BACE2: variants seen among roughly 807,000 people sequenced by gnomAD.
BACE2 encodes beta-secretase 2, also known as 56 kDa aspartic-like protease.
In BACE2, 17 loss-of-function variants were observed where a neutral mutation model predicts 46.2. That is an observed-to-expected ratio of 0.37 (90% CI 0.25 to 0.55). The LOEUF (loss-of-function observed/expected upper bound fraction) is 0.55. BACE2 is among the 20% of genes least tolerant of loss of function. The probability of loss-of-function intolerance (pLI) is 0.82; values close to 1 mark genes in which losing one functional copy is unlikely to be tolerated. For synonymous variants in BACE2, 277 were observed against 295.9 expected (o/e 0.94, Z 0.66); for missense variants, 595 against 698.1 (o/e 0.85, Z 1.66).
At chr21:41,178,239 C>T (rs1322522444) in intron 1 of BACE2, 3 of 152,268 alleles carry the variant, frequency 2.0e-5, no homozygotes, top group African/African-American at 7.2e-5. Flanking sequence ...AACAGCTGCC[C>T]TGAGCATACA....
chr21:41,218,869 CT>C (rs60516597), intron 1 of BACE2, among the ~76,000 whole-genome samples: 35 of 144,990 alleles, frequency 2.4e-4, no homozygotes, highest in South Asian at 8.8e-4. Flanking sequence ...AACATCTTGA[CT>C]TTTTTTTTTT....
intron 7 of BACE2, among the ~76,000 whole-genome samples, chr21:41,255,623 T>C (rs1251132855): frequency 3.3e-5 from 5 of 152,208 alleles, no homozygotes; most frequent in Non-Finnish European, 4.4e-5. Flanking sequence ...GCAGGGACTG[T>C]GTGTCATTCA....
At chr21:41,229,504 A>G (rs1309657946) in intron 2 of BACE2, among the ~76,000 whole-genome samples, 1 of 152,234 alleles carries the variant, frequency 6.6e-6, no homozygotes, top group Non-Finnish European at 1.5e-5. Context: ...GCTCATCGCC[A>G]GAGTCCATCA....
chr21:41,201,708 C>T (rs2123530239), intron 1 of BACE2, among the ~76,000 whole-genome samples: 1 of 152,338 alleles, frequency 6.6e-6, no homozygotes, highest in Admixed American at 6.5e-5. Context: ...AGCTGCAAGA[C>T]TGTTGTGCGT....
At position 41,241,872 on chromosome 21, in the gene BACE2, C is replaced by T. The variant is rs372602866; in HGVS notation, c.672C>T (p.Ile224=). Residue 224 remains isoleucine (I), a synonymous_variant, in exon 4 of 9, where the codon ATC becomes ATT. Transcript: ENST00000330333. The part of the protein sequence containing the change: ...FFDSLVTQAN[I]PNVFSMQMCG... The stretch of plus-strand genomic sequence containing the variant: ...ACTCCCTGGTGACACAAGCAAACAT[C>T]CCCAACGTTTTCTCCATGCAGATGT... 1.5e-4 allele frequency: 249 copies of T among 1,614,072 alleles called. No individual in the cohort carries two copies. Among genetic ancestry groups the T allele is most frequent in the Non-Finnish European group, 1.9e-4 (223 of 1,180,032 alleles).
intron 1 of BACE2, chr21:41,179,635 T>G (rs1257746462): frequency 7.3e-7 from 1 of 1,364,930 alleles, no homozygotes. Flanking sequence ...TCATCTAGTT[T>G]AAAATTGTGC....
In BACE2 at chr21:41,250,895, G is replaced by T; in HGVS notation, c.1128G>T (p.Leu376=). The change falls in exon 7 of 9, where the codon CTG becomes CTT. Residue 376 remains leucine, a synonymous_variant. Coordinates refer to ENST00000330333, the MANE Select transcript of BACE2 (RefSeq NM_012105.5). ...NSSRSFRITI[L]PQLYIQPMMG... is the part of the protein sequence containing the mutation. ...GCAGGTCATTCCGTATCACAATCCTGCCTCAGGTATGAACTTGGATTTGTG... is the reference window on the plus strand; with the variant it reads ...GCAGGTCATTCCGTATCACAATCCTTCCTCAGGTATGAACTTGGATTTGTG... The T allele has an allele frequency of 6.2e-7, 1 of 1,614,068 alleles. No individual in the cohort carries two copies. Among genetic ancestry groups the T allele is most frequent in the Non-Finnish European group, 8.5e-7 (1 of 1,179,992 alleles).
intron 2 of BACE2, among the ~76,000 whole-genome samples, chr21:41,231,652 C>G (rs1254176545): frequency 6.6e-6 from 1 of 152,172 alleles, no homozygotes; most frequent in South Asian, 2.1e-4. Context: ...TTATCAGAGG[C>G]AGAACATCTT....
At chr21:41,185,963 CAA>C (rs926467320) in intron 1 of BACE2, among the ~76,000 whole-genome samples, 19 of 152,200 alleles carry the variant, frequency 1.2e-4, no homozygotes, top group African/African-American at 4.6e-4. Flanking sequence ...AGACTCCAAA[CAA>C]GACATACATG....
At chr21:41,172,547 A>C (rs965802634) in intron 1 of BACE2, among the ~76,000 whole-genome samples, 1 of 152,232 alleles carries the variant, frequency 6.6e-6, no homozygotes, top group Non-Finnish European at 1.5e-5. Context: ...TGGAGCTGTC[A>C]ATCTGGGTCA....
chr21:41,229,014 A>T (rs1986900291), intron 2 of BACE2, among the ~76,000 whole-genome samples: 1 of 152,216 alleles, frequency 6.6e-6, no homozygotes. Flanking sequence ...GTGGTGTGGG[A>T]TGGGAACAAT....
At chr21:41,172,322 G>C (rs1568853160) in intron 1 of BACE2, among the ~76,000 whole-genome samples, 1 of 152,234 alleles carries the variant, frequency 6.6e-6, no homozygotes, top group Non-Finnish European at 1.5e-5. Flanking sequence ...CTGAGAAATA[G>C]TTTATAAGAT....
intron 1 of BACE2, among the ~76,000 whole-genome samples, chr21:41,199,217 C>T (rs539067939): frequency 8.5e-5 from 13 of 152,124 alleles, no homozygotes; most frequent in African/African-American, 2.9e-4. Flanking sequence ...TGCTGCCCAG[C>T]GTCTGCTCCT....
chr21:41,256,609 C>G (rs1987794147), intron 7 of BACE2, among the ~76,000 whole-genome samples: 1 of 152,126 alleles, frequency 6.6e-6, no homozygotes. Flanking sequence ...TAAACTTAAC[C>G]AATTATCAAC....
At chr21:41,214,792 C>G (rs1986405490) in intron 1 of BACE2, among the ~76,000 whole-genome samples, 1 of 152,196 alleles carries the variant, frequency 6.6e-6, no homozygotes, top group African/African-American at 2.4e-5. Context: ...ACATGTGGCC[C>G]TACTGTCAGC....
chr21:41,236,060 T>C (rs777819281), intron 2 of BACE2, among the ~76,000 whole-genome samples: 5 of 152,226 alleles, frequency 3.3e-5, no homozygotes, highest in Non-Finnish European at 7.3e-5. Flanking sequence ...ACTGGGTGAT[T>C]TGATATTTAG....
At chr21:41,204,754 G>T (rs1986072168) in intron 1 of BACE2, among the ~76,000 whole-genome samples, 1 of 152,196 alleles carries the variant, frequency 6.6e-6, no homozygotes, top group Non-Finnish European at 1.5e-5. Context: ...AAGCCAAAGA[G>T]GGATGCATCT....
At chr21:41,255,982 A>G (rs1421007757) in intron 7 of BACE2, among the ~76,000 whole-genome samples, 1 of 152,216 alleles carries the variant, frequency 6.6e-6, no homozygotes, top group Non-Finnish European at 1.5e-5. Context: ...AGAAAAATCT[A>G]CATTGTATAG....
chr21:41,185,514 T>C (rs1016307452), intron 1 of BACE2, among the ~76,000 whole-genome samples: 20 of 152,216 alleles, frequency 1.3e-4, no homozygotes, highest in Admixed American at 9.2e-4. Flanking sequence ...AAGGGAGTTA[T>C]AAGACAGTAC....
Sources: gnomAD v4.1 joint callset for allele counts (sites outside exome capture counted in the v4.1 genomes callset) on GRCh38, gnomAD v4.1.1 for gene constraint, MANE v1.5 for transcripts, NCBI Gene and HGNC (gene_info 2026-07-23, HGNC 2026-07-21) for gene names.